Variants in DMD observed in about 807,000 individuals in gnomAD.
DMD encodes dystrophin.
Under a neutral mutation model 330.1 loss-of-function variants are expected in DMD, and 63 were observed. That is an observed-to-expected ratio of 0.19 (90% CI 0.16 to 0.24). The LOEUF (loss-of-function observed/expected upper bound fraction) is 0.24, where lower values mean the gene tolerates loss of function less well. DMD is among the 10% of genes least tolerant of loss of function. The probability of loss-of-function intolerance (pLI) is 1.00; values close to 1 mark genes in which losing one functional copy is unlikely to be tolerated. For missense variants in DMD, 3,344 were observed against 2,684.1 expected (o/e 1.25, Z -5.43); for synonymous variants, 1,223 against 959.8 (o/e 1.27, Z -5.07).
At chrX:33,060,158 A>G (rs749839149) in intron 1 of DMD, among the ~76,000 whole-genome samples, 3 of 111,262 alleles carry the variant, frequency 2.7e-5, no homozygotes, top group Non-Finnish European at 5.7e-5. Flanking sequence ...GATTGAGCTC[A>G]ATTTGAATAC....
chrX:31,130,664 A>T (rs1386984456), intron 77 of DMD, among the ~76,000 whole-genome samples: 1 of 112,242 alleles, frequency 8.9e-6, no homozygotes, highest in East Asian at 2.8e-4. Context: ...TTTTGATAAC[A>T]GTTTAGCAAA....
intron 50 of DMD, among the ~76,000 whole-genome samples, chrX:31,782,072 C>T (rs1433125001): frequency 1.8e-5 from 2 of 111,022 alleles, no homozygotes; most frequent in Admixed American, 9.6e-5. Context: ...CTGAAGTATC[C>T]ATAAGTAAAC....
At chrX:31,231,072 C>A (rs1185815082) in intron 63 of DMD, among the ~76,000 whole-genome samples, 1 of 110,961 alleles carries the variant, frequency 9.0e-6, no homozygotes, top group Non-Finnish European at 1.9e-5. Flanking sequence ...CATATAGGCA[C>A]CACTGTGCCA....
chrX:31,567,856 C>T (rs944725617), intron 55 of DMD, among the ~76,000 whole-genome samples: 1 of 111,271 alleles, frequency 9.0e-6, no homozygotes, highest in Non-Finnish European at 1.9e-5. Context: ...CACCTGTACA[C>T]ACAGTGGATT....
intron 44 of DMD, among the ~76,000 whole-genome samples, chrX:32,170,940 C>T (rs762447900): frequency 5.4e-5 from 6 of 111,047 alleles, no homozygotes; most frequent in African/African-American, 1.3e-4. Context: ...TCCTTTCAAG[C>T]GCATATTTAT....
At chrX:32,950,057 T>G (rs2091150863) in intron 2 of DMD, among the ~76,000 whole-genome samples, 1 of 100,776 alleles carries the variant, frequency 9.9e-6, no homozygotes, top group Admixed American at 1.1e-4. Context: ...GCTAGAACTA[T>G]AGCCATGAAC....
chrX:32,111,932 A>T (rs191706268), intron 44 of DMD, among the ~76,000 whole-genome samples: 148 of 112,343 alleles, frequency 1.3e-3, no homozygotes, highest in Admixed American at 4.5e-3. Context: ...TTGTTTTATT[A>T]TCTATGGCAA....
Position 31,857,021 on chromosome X carries a change from T to C in DMD, c.7098+18167A>G, listed in dbSNP as rs1410128657. Among the ~76,000 whole-genome samples the C allele has an allele frequency of 2.7e-5, 3 of 111,669 alleles. No individual in the cohort carries two copies. In the Admixed American group the frequency reaches 2.9e-4, roughly 11 times the overall value. ...TAAGGAGAATTTTACTTGGATCCTA[T>C]ACATTATTGTGAGTGCTTCCATGTT... is the stretch of plus-strand genomic sequence containing the variant. On this transcript the variant is annotated intron_variant, in intron 48 of 78. Transcript: ENST00000357033.
intron 4 of DMD, among the ~76,000 whole-genome samples, chrX:32,832,184 C>T (rs2079207739): frequency 9.0e-6 from 1 of 110,892 alleles, no homozygotes; most frequent in South Asian, 3.8e-4. Context: ...GGGTAAGCTA[C>T]CTTTTCACTC....
At chrX:31,236,461 C>A (rs2047726233) in intron 63 of DMD, among the ~76,000 whole-genome samples, 2 of 112,474 alleles carry the variant, frequency 1.8e-5, no homozygotes, top group African/African-American at 6.5e-5. Flanking sequence ...CTAAAGAGAT[C>A]TTGGGTGGCA....
At chrX:31,721,714 C>CCA (rs1569293350) in intron 52 of DMD, among the ~76,000 whole-genome samples, 610 of 60,683 alleles carry the variant, frequency 0.01, 6 homozygotes, top group African/African-American at 0.031. Context: ...CTCTCTCTCT[C>CCA]TCTCTATATA....
chrX:31,511,783 G>A (rs1465335584), intron 55 of DMD, among the ~76,000 whole-genome samples: 18 of 104,893 alleles, frequency 1.7e-4, no homozygotes, highest in Admixed American at 7.2e-4. Context: ...GAATAGTGCC[G>A]CAATAAACAT....
intron 9 of DMD, among the ~76,000 whole-genome samples, chrX:32,693,156 C>T (rs2063404041): frequency 9.0e-6 from 1 of 111,311 alleles, no homozygotes; most frequent in African/African-American, 3.3e-5. Flanking sequence ...GGCAATGAGC[C>T]AGTGAATGTG....
chrX:32,780,924 T>A (rs1428972993), intron 7 of DMD, among the ~76,000 whole-genome samples: 1 of 102,410 alleles, frequency 9.8e-6, no homozygotes, highest in African/African-American at 4.0e-5. Flanking sequence ...ACCCCGTCTC[T>A]ACTAAAAATA....
At chrX:32,583,328 T>A (rs1569247506) in intron 13 of DMD, among the ~76,000 whole-genome samples, 1 of 110,792 alleles carries the variant, frequency 9.0e-6, no homozygotes. Context: ...AAACCCTGTC[T>A]CTACTCAAAA....
chrX:31,877,973 ACTC>A (rs1457326169), intron 47 of DMD, among the ~76,000 whole-genome samples: 1 of 111,153 alleles, frequency 9.0e-6, no homozygotes, highest in Non-Finnish European at 1.9e-5. Context: ...TGAGCGATGA[ACTC>A]CTTTTTATCT....
At chrX:31,852,037 A>C (rs746369431) in intron 48 of DMD, among the ~76,000 whole-genome samples, 4 of 110,827 alleles carry the variant, frequency 3.6e-5, no homozygotes, top group African/African-American at 1.3e-4. Flanking sequence ...AGTGGAATCT[A>C]GTGAGCAAGG....
chrX:33,195,732 T>TTGTGTGTGTGTGTG (rs71969580), intron 1 of DMD, among the ~76,000 whole-genome samples: 80 of 97,711 alleles, frequency 8.2e-4, no homozygotes, highest in Middle Eastern at 0.011. Flanking sequence ...CTGTTCTATT[T>TTGTGTGTGTGTGTG]TGTGTGTGTG....
At chrX:31,887,156 G>T (rs1262531291) in intron 47 of DMD, among the ~76,000 whole-genome samples, 1 of 111,901 alleles carries the variant, frequency 8.9e-6, no homozygotes. Context: ...ATGACTTTGA[G>T]AAAATATACT....
Sources: gnomAD v4.1 joint callset for allele counts (sites outside exome capture counted in the v4.1 genomes callset) on GRCh38, gnomAD v4.1.1 for gene constraint, MANE v1.5 for transcripts, NCBI Gene and HGNC (gene_info 2026-07-23, HGNC 2026-07-21) for gene names.